Variants in FYB1 observed in about 807,000 individuals in gnomAD.
The protein encoded by FYB1 is FYN binding protein 1.
FYB1 carries 41 observed loss-of-function variants against 94.1 expected under a neutral mutation model. The observed-to-expected ratio is 0.44, with a 90% CI of 0.34 to 0.57. The LOEUF is 0.57. FYB1 is among the 20% of genes least tolerant of loss of function. The pLI, the probability that FYB1 is intolerant of heterozygous loss-of-function variation, is 0.02. For missense variants in FYB1, 1,050 were observed against 976.8 expected (o/e 1.07, Z -1.00); for synonymous variants, 367 against 353.2 (o/e 1.04, Z -0.44).
intron 2 of FYB1, among the ~76,000 whole-genome samples, chr5:39,181,645 G>A (rs1268083430): frequency 6.6e-6 from 1 of 152,044 alleles, no homozygotes; most frequent in Non-Finnish European, 1.5e-5. Context: ...TAAAAATCAT[G>A]GTCCTCCCCT....
At chr5:39,121,716 C>A (rs1740125828) in intron 14 of FYB1, among the ~76,000 whole-genome samples, 1 of 152,048 alleles carries the variant, frequency 6.6e-6, no homozygotes, top group Non-Finnish European at 1.5e-5. Context: ...AAAAGGCACT[C>A]CTTTTGTATT....
At chr5:39,212,632 C>A (rs780932593) in intron 1 of FYB1, 1 of 152,182 alleles carries the variant, frequency 6.6e-6, no homozygotes, top group Non-Finnish European at 1.5e-5. Context: ...TTTCTGATAA[C>A]TGCACAGAAA....
At chr5:39,203,061 C>G (rs925046984) in intron 1 of FYB1, 74 bp from the exon 2 acceptor site, 287 of 1,325,720 alleles carry the variant, frequency 2.2e-4, no homozygotes, top group Non-Finnish European at 1.6e-4. Flanking sequence ...CTATACCTTA[C>G]AGAGCTTCCT....
At chr5:39,118,271 T>C (rs1739753799) in intron 16 of FYB1, among the ~76,000 whole-genome samples, 1 of 152,142 alleles carries the variant, frequency 6.6e-6, no homozygotes, top group African/African-American at 2.4e-5. Context: ...TTATTTGGAA[T>C]AGTATGTTGC....
At chr5:39,130,501 C>A in intron 10 of FYB1, 89 bp downstream of exon 10, 1 of 979,366 alleles carries the variant, frequency 1.0e-6, no homozygotes, top group Non-Finnish European at 1.6e-6. Context: ...ACATTCTATG[C>A]ATGTAACAAA....
chr5:39,245,047 C>G (rs1257534961), intron 1 of FYB1, among the ~76,000 whole-genome samples: 1 of 151,834 alleles, frequency 6.6e-6, no homozygotes, highest in Non-Finnish European at 1.5e-5. Flanking sequence ...CTTTATTAGT[C>G]TTGCTAGCGG....
intron 1 of FYB1, chr5:39,274,269 G>A (rs916951211): frequency 6.6e-6 from 1 of 152,084 alleles, no homozygotes; most frequent in African/African-American, 2.4e-5. Context: ...TATAAACTCC[G>A]ATACATTTTC....
At chr5:39,140,519 C>T (rs1363017178) in intron 4 of FYB1, among the ~76,000 whole-genome samples, 1 of 151,834 alleles carries the variant, frequency 6.6e-6, no homozygotes, top group Non-Finnish European at 1.5e-5. Flanking sequence ...GGAGAGCATG[C>T]CTGTCATACT....
chr5:39,115,708 C>T (rs1742862322), intron 16 of FYB1, among the ~76,000 whole-genome samples: 1 of 151,700 alleles, frequency 6.6e-6, no homozygotes, highest in Admixed American at 6.6e-5. Flanking sequence ...TGTCAAGGAC[C>T]CAGTCCATGG....
At chr5:39,240,083 C>T (rs1297483073) in intron 1 of FYB1, among the ~76,000 whole-genome samples, 1 of 152,126 alleles carries the variant, frequency 6.6e-6, no homozygotes, top group Non-Finnish European at 1.5e-5. Context: ...GAAAGGACTC[C>T]ATATTCATAA....
At chr5:39,183,093 G>T (rs1371537543) in intron 2 of FYB1, among the ~76,000 whole-genome samples, 1 of 152,048 alleles carries the variant, frequency 6.6e-6, no homozygotes, top group African/African-American at 2.4e-5. Flanking sequence ...CGTGATCTCG[G>T]CTCATCGTAA....
intron 3 of FYB1, among the ~76,000 whole-genome samples, chr5:39,141,866 T>C (rs367722319): frequency 6.8e-6 from 1 of 147,428 alleles, no homozygotes; most frequent in African/African-American, 2.6e-5. Flanking sequence ...AGTAAGATTC[T>C]GTCTCAGAAA....
At chr5:39,240,774 G>T (rs1001494582) in intron 1 of FYB1, among the ~76,000 whole-genome samples, 1 of 152,142 alleles carries the variant, frequency 6.6e-6, no homozygotes, top group Admixed American at 6.6e-5. Context: ...ATTTCTCAAA[G>T]AACTTAAAAC....
Position 39,108,245 on chromosome 5 carries a change from T to C in FYB1, c.2453A>G (p.Asp818Gly). 1 of 1,528,134 alleles carries C rather than the reference T, an allele frequency of 6.5e-7. No individual in the cohort carries two copies. Among genetic ancestry groups the C allele is most frequent in the African/African-American group, 1.4e-5 (1 of 72,640 alleles). 94.7% of individuals were successfully genotyped at this position (1,528,134 alleles called of 1,614,324 possible). A position where few individuals can be genotyped will look rare whatever the true frequency, so the allele number is the denominator to read the frequency against. ...ATAAGACTTACCATCAGCAATATCA[T>C]CATAGATCTCTCCATCACTGTAAAT... ...YLADNDGEIY[D>G]DIADGCIYDN... Residue 818 changes from aspartate (D) to glycine (G), a missense_variant, in exon 18 of 19, where the codon GAT becomes GGT. Asp to Gly is a moderately conservative substitution (Grantham distance 94). Transcript: ENST00000512982.
chr5:39,273,059 G>T (rs967241164), intron 1 of FYB1, among the ~76,000 whole-genome samples: 1 of 152,216 alleles, frequency 6.6e-6, no homozygotes, highest in Non-Finnish European at 1.5e-5. Flanking sequence ...CCCCGTCCGG[G>T]AGGTGGGGGG....
At chr5:39,212,232 C>T (rs181092861) in intron 1 of FYB1, among the ~76,000 whole-genome samples, 53 of 152,022 alleles carry the variant, frequency 3.5e-4, no homozygotes, top group African/African-American at 1.1e-3. Flanking sequence ...TGCTTGAGCC[C>T]GGGAGGTCAA....
chr5:39,230,933 G>T (rs1208101705), intron 1 of FYB1, among the ~76,000 whole-genome samples: 2 of 151,372 alleles, frequency 1.3e-5, no homozygotes, highest in East Asian at 3.9e-4. Flanking sequence ...ATGACTGATT[G>T]TCCCAGGCCA....
intron 1 of FYB1, among the ~76,000 whole-genome samples, chr5:39,215,041 C>A (rs887420361): frequency 6.6e-6 from 1 of 152,016 alleles, no homozygotes; most frequent in Non-Finnish European, 1.5e-5. Context: ...AGGGAACAGG[C>A]AATTAATGTT....
intron 17 of FYB1, 102 bp downstream of exon 17, chr5:39,110,254 T>C (rs1738940630): frequency 4.6e-6 from 3 of 658,168 alleles, no homozygotes; most frequent in Admixed American, 3.0e-5. Context: ...TTATTTATGA[T>C]AGTTGAGTAG....
Sources: gnomAD v4.1 joint callset for allele counts (sites outside exome capture counted in the v4.1 genomes callset) on GRCh38, gnomAD v4.1.1 for gene constraint, MANE v1.5 for transcripts, NCBI Gene and HGNC (gene_info 2026-07-23, HGNC 2026-07-21) for gene names.